The following STK32A variants were observed in gnomAD, a reference collection of about 807,000 sequenced individuals.
STK32A encodes serine/threonine kinase 32A, also known as serine/threonine-protein kinase 32A.
A neutral mutation model predicts 53.2 loss-of-function variants in STK32A; 41 were observed. That is an observed-to-expected ratio of 0.77 (90% CI 0.60 to 1.00). The LOEUF is 1.00. Among genes scored for constraint, STK32A ranks in the 50% least tolerant of loss-of-function variants. STK32A has a pLI of 0.00. For missense variants in STK32A, 458 were observed against 485.8 expected (o/e 0.94, Z 0.54); for synonymous variants, 166 against 162.8 (o/e 1.02, Z -0.15).
intron 7 of STK32A, among the ~76,000 whole-genome samples, chr5:147,351,531 T>C (rs577298262): frequency 2.0e-5 from 3 of 151,320 alleles, no homozygotes; most frequent in Admixed American, 6.6e-5. Context: ...TACATTCTAG[T>C]GGGAGCAGAT....
chr5:147,309,846 A>G (rs1753602509), intron 4 of STK32A, among the ~76,000 whole-genome samples: 1 of 152,204 alleles, frequency 6.6e-6, no homozygotes, highest in African/African-American at 2.4e-5. Flanking sequence ...AAGTGATGAC[A>G]AAGCTGGATT....
intron 9 of STK32A, among the ~76,000 whole-genome samples, chr5:147,372,282 T>TTTTTTTTTTTTTTG (rs1757037424): frequency 7.1e-6 from 1 of 141,436 alleles, no homozygotes; most frequent in East Asian, 2.1e-4. Flanking sequence ...TTTTTTTTTT[T>TTTTTTTTTTTTTTG]TTTTTTTTTT....
At position 147,260,291 on chromosome 5, in the gene STK32A, GCCTGTCTC is replaced by G. The variant is rs1561675526; in HGVS notation, c.53-17832_53-17825del. Among the ~76,000 whole-genome samples, 129 of 68,712 alleles carry G rather than the reference GCCTGTCTC, an allele frequency of 1.9e-3. 3 individuals carry two copies. The highest frequency in any genetic ancestry group is 8.5e-3 in the African/African-American group (117 of 13,754). The allele number at this position is 68,712 out of a possible 152,430, so 45.1% of individuals were successfully genotyped here. A position where few individuals can be genotyped will look rare whatever the true frequency, so the allele number is the denominator to read the frequency against. On this transcript the variant is annotated intron_variant, in intron 2 of 12. Coordinates refer to ENST00000397936, the MANE Select transcript of STK32A (RefSeq NM_001112724.2). The stretch of plus-strand genomic sequence containing the variant: ...TCTCCCCTCTCTGTCTCTCTCTCTC[GCCTGTCTC>G]TCTCTCTCTCTCTCTCTCTTCTCCG...
intron 4 of STK32A, among the ~76,000 whole-genome samples, chr5:147,284,934 C>A: frequency 6.6e-6 from 1 of 152,052 alleles, no homozygotes; most frequent in Non-Finnish European, 1.5e-5. Flanking sequence ...TCATTCTTCA[C>A]AGAATTAGAA....
At chr5:147,353,624 G>T (rs978544033) in intron 7 of STK32A, among the ~76,000 whole-genome samples, 2 of 152,098 alleles carry the variant, frequency 1.3e-5, no homozygotes, top group Non-Finnish European at 2.9e-5. Flanking sequence ...GCTGGGCATG[G>T]TGGCGTGCAT....
chr5:147,265,066 C>T (rs1487905926), intron 2 of STK32A, among the ~76,000 whole-genome samples: 2 of 148,742 alleles, frequency 1.3e-5, no homozygotes, highest in African/African-American at 4.9e-5. Flanking sequence ...ATTTTTTATA[C>T]TGATAGCATA....
chr5:147,276,744 G>A (rs1755277886), intron 2 of STK32A, among the ~76,000 whole-genome samples: 1 of 152,188 alleles, frequency 6.6e-6, no homozygotes, highest in Non-Finnish European at 1.5e-5. Flanking sequence ...TTTCAGAAGA[G>A]AAGTCATTCC....
chr5:147,333,041 G>T (rs1754949029), intron 5 of STK32A, among the ~76,000 whole-genome samples: 1 of 152,014 alleles, frequency 6.6e-6, no homozygotes, highest in African/African-American at 2.4e-5. Flanking sequence ...CCTGTGATTT[G>T]GTCCAAGTTA....
intron 7 of STK32A, among the ~76,000 whole-genome samples, chr5:147,360,185 C>T (rs1756431573): frequency 1.3e-5 from 2 of 152,060 alleles, no homozygotes. Context: ...TGCAGTGACT[C>T]ACACCTGTAA....
chr5:147,323,940 C>A lies in STK32A; in HGVS notation c.303C>A (p.Asp101Glu). ...AGGAAGACATGTTCATGGTGGTGGA[C>A]CTCCTGCTGGGTGGAGACCTGCGTT... ...QDEEDMFMVVDLLLGGDLRYH... is the reference protein window; with the variant it reads ...QDEEDMFMVVELLLGGDLRYH... Residue 101 changes from aspartate to glutamate, a missense_variant, in exon 5 of 13, where the codon GAC (aspartate) becomes GAA (glutamate). By Grantham distance (45) the Asp-to-Glu change is conservative. Coordinates refer to ENST00000397936, the MANE Select transcript of STK32A (RefSeq NM_001112724.2). 1.9e-6 allele frequency: 3 copies of A among 1,613,710 alleles called. No homozygotes were observed. The highest frequency in any genetic ancestry group is 2.5e-6 in the Non-Finnish European group (3 of 1,179,846).
intron 5 of STK32A, among the ~76,000 whole-genome samples, chr5:147,325,313 T>TTATA (rs71868616): frequency 8.8e-5 from 13 of 147,538 alleles, no homozygotes; most frequent in East Asian, 2.0e-4. Flanking sequence ...TTTTAAACCT[T>TTATA]TATATATATA....
At position 147,279,328 on chromosome 5, in the gene STK32A, G is replaced by C. The variant is rs778536378; in HGVS notation, c.190G>C (p.Glu64Gln). The change falls in exon 4 of 13, where the codon GAA becomes CAA. Residue 64 changes from glutamate to glutamine, a missense_variant. Coordinates refer to ENST00000397936, the MANE Select transcript of STK32A (RefSeq NM_001112724.2). ...TAAACAAAAGTGCGTGGAGCGCAAT[G>C]AAGTGAGAAATGTCTTCAAGGAACT... is the stretch of plus-strand genomic sequence containing the variant. ...MNKQKCVERN[E>Q]VRNVFKELQI... is the part of the protein sequence containing the mutation. 4 of 1,613,690 alleles carry C rather than the reference G, an allele frequency of 2.5e-6. No homozygotes were observed. Among genetic ancestry groups the C allele is most frequent in the Non-Finnish European group, 3.4e-6 (4 of 1,179,766 alleles).
At chr5:147,299,171 T>C (rs1249841416) in intron 4 of STK32A, among the ~76,000 whole-genome samples, 3 of 152,182 alleles carry the variant, frequency 2.0e-5, no homozygotes, top group Admixed American at 6.5e-5. Flanking sequence ...ATCATTTTTA[T>C]GGTTTTTTTA....
intron 2 of STK32A, among the ~76,000 whole-genome samples, chr5:147,274,942 A>G (rs1755189302): frequency 6.6e-6 from 1 of 152,194 alleles, no homozygotes; most frequent in South Asian, 2.1e-4. Flanking sequence ...GTGGGTTTAT[A>G]TACATTCTCT....
At chr5:147,244,896 G>C (rs1753717934) in intron 2 of STK32A, among the ~76,000 whole-genome samples, 1 of 152,262 alleles carries the variant, frequency 6.6e-6, no homozygotes, top group East Asian at 1.9e-4. Flanking sequence ...TGCTAATTAA[G>C]TGTTATTTAC....
chr5:147,376,586 G>T (rs935224028), intron 11 of STK32A, among the ~76,000 whole-genome samples: 2 of 152,064 alleles, frequency 1.3e-5, no homozygotes, highest in African/African-American at 4.8e-5. Context: ...AACATGATCT[G>T]CCCATCTTTC....
chr5:147,384,933 C>G lies in STK32A; in HGVS notation c.*950C>G, dbSNP rs563861124. ...GAATTTAGAAGATAGTAAAATTTACCGTTGAAAAACCCCTTAAATTACCCA... is the reference window on the plus strand; with the variant it reads ...GAATTTAGAAGATAGTAAAATTTACGGTTGAAAAACCCCTTAAATTACCCA... On this transcript the variant is annotated 3_prime_UTR_variant, in exon 13 of 13. Coordinates refer to ENST00000397936, the MANE Select transcript of STK32A (RefSeq NM_001112724.2). The G allele has an allele frequency of 6.5e-6, 1 of 152,740 alleles. No individual in the cohort carries two copies. Among genetic ancestry groups the G allele is most frequent in the Non-Finnish European group, 1.5e-5 (1 of 68,568 alleles). The allele number at this position is 152,740 out of a possible 1,614,324, so 9.5% of individuals were successfully genotyped here.
intron 2 of STK32A, among the ~76,000 whole-genome samples, chr5:147,249,998 G>T (rs1753916991): frequency 6.6e-6 from 1 of 151,596 alleles, no homozygotes; most frequent in Non-Finnish European, 1.5e-5. Flanking sequence ...AGTGCAGACG[G>T]AAAGCTGAGA....
At chr5:147,254,236 C>T (rs1339690697) in intron 2 of STK32A, among the ~76,000 whole-genome samples, 2 of 152,136 alleles carry the variant, frequency 1.3e-5, no homozygotes, top group Non-Finnish European at 2.9e-5. Flanking sequence ...GGACTTCAAC[C>T]TATCTTTTTG....
Sources: allele counts gnomAD v4.1 joint callset (sites outside exome capture counted in the v4.1 genomes callset), GRCh38; gene constraint gnomAD v4.1.1; transcripts MANE v1.5; gene names NCBI Gene and HGNC (gene_info 2026-07-23, HGNC 2026-07-21).